SH3RF2: variants seen among roughly 807,000 people sequenced by gnomAD.
The protein encoded by SH3RF2 is SH3 domain containing ring finger 2.
SH3RF2 carries 43 observed loss-of-function variants against 59.0 expected under a neutral mutation model. That is an observed-to-expected ratio of 0.73 (90% confidence interval 0.57 to 0.94). The LOEUF is 0.94. SH3RF2 is among the 40% of genes least tolerant of loss of function. SH3RF2 has a pLI of 0.00. For missense variants in SH3RF2, 930 were observed against 940.1 expected (o/e 0.99, Z 0.14); for synonymous variants, 391 against 391.5 (o/e 1.00, Z 0.01).
intron 2 of SH3RF2, among the ~76,000 whole-genome samples, chr5:145,945,624 G>T (rs1463769970): frequency 6.6e-6 from 1 of 152,142 alleles, no homozygotes; most frequent in Non-Finnish European, 1.5e-5. Context: ...ACCTAGAAAA[G>T]GCAGGATAGG....
chr5:146,027,409 A>C lies in SH3RF2; in HGVS notation c.1059+13348A>C, dbSNP rs138654178. ...AAGCCCATTGTGAATCCTAGTTGCC[A>C]AAGCCCCTCACAGCCTGTCAGTGAA... On this transcript the variant is annotated intron_variant, in intron 5 of 9. Coordinates refer to ENST00000359120, the MANE Select transcript of SH3RF2 (RefSeq NM_152550.4). Among the ~76,000 whole-genome samples the C allele has an allele frequency of 4.6e-3, 705 of 152,350 alleles. 3 individuals carry two copies. The highest frequency in any genetic ancestry group is 0.016 in the African/African-American group (667 of 41,578).
intron 5 of SH3RF2, among the ~76,000 whole-genome samples, chr5:146,021,393 C>T (rs1761310952): frequency 6.6e-6 from 1 of 152,070 alleles, no homozygotes; most frequent in Non-Finnish European, 1.5e-5. Context: ...CAAATTCATA[C>T]TCATAAGTGA....
chr5:146,017,991 A>G (rs899340860), intron 5 of SH3RF2, among the ~76,000 whole-genome samples: 2 of 152,310 alleles, frequency 1.3e-5, no homozygotes, highest in Admixed American at 1.3e-4. Context: ...CAAACATATG[A>G]CTGTCCTCAA....
chr5:145,956,747 T>C (rs896684672), intron 2 of SH3RF2, among the ~76,000 whole-genome samples: 2 of 151,448 alleles, frequency 1.3e-5, no homozygotes, highest in Non-Finnish European at 2.9e-5. Context: ...AATCTAGAGG[T>C]TTCTTCTGTA....
downstream of SH3RF2, among the ~76,000 whole-genome samples, chr5:146,064,187 G>A (rs1001102486): frequency 6.6e-6 from 1 of 152,028 alleles, no homozygotes; most frequent in African/African-American, 2.4e-5. Flanking sequence ...AAAGAAAGTA[G>A]GCATAAGAGT....
At chr5:146,066,880 C>T (rs891757218), downstream of SH3RF2, among the ~76,000 whole-genome samples, 3 of 152,100 alleles carry the variant, frequency 2.0e-5, no homozygotes, top group African/African-American at 7.2e-5. Flanking sequence ...AGGAAGAGTG[C>T]CCCTTTGCCC....
intron 7 of SH3RF2, chr5:146,050,242 A>C (rs1762448849): frequency 6.6e-6 from 1 of 152,252 alleles, no homozygotes; most frequent in Non-Finnish European, 1.5e-5. Context: ...CAGGGCAGTA[A>C]ATTTGTTCTG....
chr5:145,976,188 G>A (rs1242952746), intron 2 of SH3RF2, among the ~76,000 whole-genome samples: 3 of 152,154 alleles, frequency 2.0e-5, no homozygotes, highest in African/African-American at 7.2e-5. Flanking sequence ...GATATTGCAG[G>A]GGAAAGAGGC....
At chr5:146,079,704 T>C (rs547638973) in exon 10 of SH3RF2, 9 of 152,368 alleles carry the variant, frequency 5.9e-5, no homozygotes, top group African/African-American at 2.2e-4. Context: ...GGCAGCCATC[T>C]TTTAATGCGA....
chr5:146,060,358 T>C (rs746391255), intron 9 of SH3RF2, 134 bp downstream of exon 9: 16 of 749,508 alleles, frequency 2.1e-5, no homozygotes, highest in Non-Finnish European at 3.3e-5. Flanking sequence ...CACATAACAC[T>C]CCTCCTCCCC....
At chr5:146,023,400 G>A (rs1173918013) in intron 5 of SH3RF2, among the ~76,000 whole-genome samples, 1 of 151,976 alleles carries the variant, frequency 6.6e-6, no homozygotes, top group Non-Finnish European at 1.5e-5. Flanking sequence ...GTAGAAACAG[G>A]GTTTCACCAT....
downstream of SH3RF2, among the ~76,000 whole-genome samples, chr5:146,064,638 GAGAGAA>G (rs1446659814): frequency 2.6e-3 from 136 of 53,112 alleles, 11 homozygotes; most frequent in South Asian, 9.7e-3. Flanking sequence ...AGGAGAGAGA[GAGAGAA>G]AGAAAGAGAG....
intron 2 of SH3RF2, among the ~76,000 whole-genome samples, chr5:145,951,420 C>T (rs17104082): frequency 0.095 from 14,463 of 152,238 alleles, 1,039 homozygotes; most frequent in East Asian, 0.27. Context: ...CAGTTTACAT[C>T]TTGGTTCTCT....
At chr5:145,938,384 T>G (rs1421541624) in intron 2 of SH3RF2, 78 bp downstream of exon 2, 2 of 1,451,486 alleles carry the variant, frequency 1.4e-6, no homozygotes, top group Non-Finnish European at 1.8e-6. Context: ...GAGATTATCT[T>G]CTTTTAGTTA....
At chr5:145,992,015 G>A (rs1759953480) in intron 2 of SH3RF2, among the ~76,000 whole-genome samples, 1 of 152,096 alleles carries the variant, frequency 6.6e-6, no homozygotes, top group African/African-American at 2.4e-5. Context: ...GTCAGGGGTG[G>A]GATCAAGGCA....
At chr5:145,991,080 A>G (rs1046510929) in intron 2 of SH3RF2, among the ~76,000 whole-genome samples, 1 of 152,218 alleles carries the variant, frequency 6.6e-6, no homozygotes. Flanking sequence ...TCAGATTTTG[A>G]TTACAAAACA....
At position 146,013,841 on chromosome 5, in the gene SH3RF2, G is replaced by A; in HGVS notation, c.839G>A (p.Gly280Asp). The change falls in exon 5 of 10, where the codon GGC (glycine) becomes GAC (aspartate). Residue 280 changes from glycine (G) to aspartate (D), a missense_variant. Physicochemically the swap from Gly to Asp is moderately conservative, Grantham distance 94. Transcript: ENST00000359120. ...NLSLVSSSSR[G>D]NTSTLRRGPG... ...TCCCTGGTGTCCTCGTCCTCCAGAGGCAACACGTCTACCCTCCGTAGGGGC... is the reference window on the plus strand; with the variant it reads ...TCCCTGGTGTCCTCGTCCTCCAGAGACAACACGTCTACCCTCCGTAGGGGC... 6.2e-7 allele frequency: 1 copy of A among 1,614,172 alleles called. No individual in the cohort carries two copies. Among genetic ancestry groups the A allele is most frequent in the East Asian group, 2.2e-5 (1 of 44,870 alleles).
In SH3RF2 at chr5:146,056,034, CG is replaced by C. The variant is rs1762653290; in HGVS notation, c.1377del (p.Leu460TyrfsTer32). On this transcript the variant is annotated frameshift_variant, in exon 8 of 10. Coordinates refer to ENST00000359120, the MANE Select transcript of SH3RF2 (RefSeq NM_152550.4). LOFTEE classifies it high-confidence loss of function. Reference protein sequence around the residue: ...SRSPGLYTTWTLSTSSVSSQG... With the variant: ...SRSPGLYTTWXLSTSSVSSQG... Reference sequence around the variant, plus strand: ...AGCCCTGGTCTCTACACCACATGGACGTTATCCACCTCCTCTGTGTCCTCCC... The same window carrying C: ...AGCCCTGGTCTCTACACCACATGGACTTATCCACCTCCTCTGTGTCCTCCC... The C allele has an allele frequency of 6.2e-7, 1 of 1,614,222 alleles. No homozygotes were observed. The highest frequency in any genetic ancestry group is 1.7e-5 in the Admixed American group (1 of 60,028).
chr5:146,058,996 C>T (rs934082263), intron 8 of SH3RF2, among the ~76,000 whole-genome samples: 16 of 152,086 alleles, frequency 1.1e-4, no homozygotes, highest in African/African-American at 3.6e-4. Context: ...AACAGACATG[C>T]GGCATTTATC....
Sources: gnomAD v4.1 joint callset for allele counts (sites outside exome capture counted in the v4.1 genomes callset) on GRCh38, gnomAD v4.1.1 for gene constraint, MANE v1.5 for transcripts, NCBI Gene and HGNC (gene_info 2026-07-23, HGNC 2026-07-21) for gene names.